The following ZNF618 variants were observed in gnomAD, a reference collection of about 807,000 sequenced individuals.
ZNF618 encodes neural precursor cell expressed, developmentally down-regulated 10.
ZNF618 carries 34 observed loss-of-function variants against 103.0 expected under a neutral mutation model. The observed-to-expected ratio is 0.33, with a 90% CI of 0.25 to 0.44. The LOEUF is 0.44. Among genes scored for constraint, ZNF618 ranks in the 20% least tolerant of loss-of-function variants. The probability of loss-of-function intolerance (pLI) is 1.00; values close to 1 mark genes in which losing one functional copy is unlikely to be tolerated. For synonymous variants in ZNF618, 551 were observed against 542.2 expected, an observed-to-expected ratio of 1.02 and a Z score of -0.23; for missense variants, 1,059 against 1,295.4, an observed-to-expected ratio of 0.82 and a Z score of 2.80.
Position 114,016,837 on chromosome 9 carries a change from G to A in ZNF618, c.844+53G>A, listed in dbSNP as rs752502153. ...GGGTTGGGGGACCCGGGACAGGGTG[G>A]GCCAGCCGTTGGCCAGGCCTCTGGA... On this transcript the variant is annotated intron_variant, in intron 10 of 14. Coordinates refer to ENST00000374126, the MANE Select transcript of ZNF618 (RefSeq NM_001318042.2). The A allele has an allele frequency of 5.4e-6, 8 of 1,470,022 alleles. No homozygotes were observed. In the South Asian group the frequency reaches 8.3e-5, roughly 15 times the overall value. 91.1% of individuals were successfully genotyped at this position (1,470,022 alleles called of 1,614,324 possible). A position where few individuals can be genotyped will look rare whatever the true frequency, so the allele number is the denominator to read the frequency against.
At chr9:113,928,503 G>A (rs1833291835) in intron 1 of ZNF618, among the ~76,000 whole-genome samples, 1 of 152,172 alleles carries the variant, frequency 6.6e-6, no homozygotes, top group African/African-American at 2.4e-5. Context: ...AGCCAGACCT[G>A]ACGTATCTAT....
At chr9:113,982,502 G>C (rs1233610394) in intron 2 of ZNF618, among the ~76,000 whole-genome samples, 1 of 152,130 alleles carries the variant, frequency 6.6e-6, no homozygotes, top group Non-Finnish European at 1.5e-5. Flanking sequence ...GGGCTACTCA[G>C]ATAATCCAAG....
chr9:113,894,007 C>T (rs1165739021), intron 1 of ZNF618, among the ~76,000 whole-genome samples: 1 of 152,094 alleles, frequency 6.6e-6, no homozygotes, highest in Non-Finnish European at 1.5e-5. Context: ...GAGAACTAGA[C>T]TATGTATGCA....
At chr9:114,016,151 G>T in intron 9 of ZNF618, 10 of 1,613,682 alleles carry the variant, frequency 6.2e-6, no homozygotes, top group Non-Finnish European at 8.5e-6. Context: ...GAAGAAAGAA[G>T]TTAGGCAGTG....
At chr9:114,006,371 G>A (rs1841757965) in intron 6 of ZNF618, among the ~76,000 whole-genome samples, 1 of 152,218 alleles carries the variant, frequency 6.6e-6, no homozygotes, top group African/African-American at 2.4e-5. Context: ...GCAGCCTTGA[G>A]CATATCACCA....
chr9:114,021,127 G>A (rs1193054745), intron 10 of ZNF618, among the ~76,000 whole-genome samples: 7 of 151,926 alleles, frequency 4.6e-5, no homozygotes, highest in African/African-American at 1.2e-4. Context: ...ATTAAAACAC[G>A]TTAAGAATAT....
At chr9:114,038,596 AG>A (rs1226305265) in intron 13 of ZNF618, among the ~76,000 whole-genome samples, 1 of 152,256 alleles carries the variant, frequency 6.6e-6, no homozygotes, top group Non-Finnish European at 1.5e-5. Flanking sequence ...TGAATGGCAC[AG>A]GGTAATTCCC....
rs1827928563 is a variant in ZNF618 at position 113,876,396 on chromosome 9, G to A, written c.16G>A (p.Gly6Ser). ...GCACGGACCCATGAACCAGCCGGGC[G>A]GCGCGGCGGCTCCGCAGGTACGACG... MNQPGGAAAPQADGAS... is the reference protein window; with the variant it reads MNQPGSAAAPQADGAS... Residue 6 changes from glycine (G) to serine (S), a missense_variant, in exon 1 of 15, where the codon GGC (glycine) becomes AGC (serine). Gly to Ser is a moderately conservative substitution (Grantham distance 56). Coordinates refer to ENST00000374126, the MANE Select transcript of ZNF618 (RefSeq NM_001318042.2). 3.3e-6 allele frequency: 4 copies of A among 1,199,734 alleles called. No individual in the cohort carries two copies. Among genetic ancestry groups the A allele is most frequent in the African/African-American group, 3.2e-5 (2 of 62,924 alleles). 74.3% of individuals were successfully genotyped at this position (1,199,734 alleles called of 1,614,324 possible).
At chr9:113,998,378 G>T in intron 4 of ZNF618, 24 bp downstream of exon 4, 1 of 1,543,512 alleles carries the variant, frequency 6.5e-7, no homozygotes, top group East Asian at 2.4e-5. Context: ...AAGGGGTAGT[G>T]CCTGATCCGG....
At chr9:113,953,777 C>CTGGGCTGTGCTGGGCTG (rs1491554160) in intron 1 of ZNF618, among the ~76,000 whole-genome samples, 2 of 152,206 alleles carry the variant, frequency 1.3e-5, no homozygotes, top group East Asian at 3.8e-4. Flanking sequence ...TGTAGACACA[C>CTGGGCTGTGCTGGGCTG]TCTCTGTGCT....
intron 8 of ZNF618, 29 bp downstream of exon 8, chr9:114,008,408 C>T (rs770572710): frequency 8.1e-6 from 13 of 1,613,994 alleles, no homozygotes; most frequent in Admixed American, 1.7e-5. Flanking sequence ...CTTGTCACCT[C>T]CCCTGTCCCC....
chr9:113,914,480 G>GT (rs1831880051), intron 1 of ZNF618, among the ~76,000 whole-genome samples: 1 of 152,224 alleles, frequency 6.6e-6, no homozygotes. Context: ...AGTTGCCTCA[G>GT]TGTATGCAAC....
At chr9:114,016,106 C>G in intron 9 of ZNF618, 2 of 1,601,142 alleles carry the variant, frequency 1.2e-6, no homozygotes, top group South Asian at 1.1e-5. Flanking sequence ...TTATAATTTT[C>G]CCCCAGTGAA....
chr9:114,006,338 C>A (rs1841754694), intron 6 of ZNF618, among the ~76,000 whole-genome samples: 1 of 152,212 alleles, frequency 6.6e-6, no homozygotes, highest in South Asian at 2.1e-4. Context: ...AATCCTAGCT[C>A]TCCCTTCCCC....
At position 113,959,056 on chromosome 9, in the gene ZNF618, G is replaced by A. The variant is rs548979697; in HGVS notation, c.34-10061G>A. 6.6e-5 allele frequency among the ~76,000 whole-genome samples: 10 copies of A among 152,262 alleles called. No individual in the cohort carries two copies. In the South Asian group the frequency reaches 1.9e-3, roughly 28 times the overall value. On this transcript the variant is annotated intron_variant, in intron 1 of 14. Coordinates refer to ENST00000374126, the MANE Select transcript of ZNF618 (RefSeq NM_001318042.2). The stretch of plus-strand genomic sequence containing the variant: ...GTAAATCCCAGCACTTTGGGAGGCC[G>A]AGGCAGGCCGATCACCTGAGATCGG...
intron 1 of ZNF618, among the ~76,000 whole-genome samples, chr9:113,934,136 G>A (rs746608054): frequency 2.8e-4 from 43 of 152,128 alleles, no homozygotes; most frequent in Non-Finnish European, 3.5e-4. Flanking sequence ...AAGTAATGGC[G>A]GCAGGAAAGT....
intron 1 of ZNF618, among the ~76,000 whole-genome samples, chr9:113,894,956 ACCT>A: frequency 6.6e-6 from 1 of 152,062 alleles, no homozygotes; most frequent in East Asian, 1.9e-4. Flanking sequence ...CATTGACTAG[ACCT>A]CCTGGAACAA....
intron 4 of ZNF618, among the ~76,000 whole-genome samples, chr9:114,001,474 G>C (rs909847360): frequency 9.2e-5 from 14 of 152,150 alleles, no homozygotes; most frequent in South Asian, 4.1e-4. Flanking sequence ...GCAGACTGAG[G>C]CTTCATGCAT....
chr9:113,963,723 C>T (rs926244517), intron 1 of ZNF618, among the ~76,000 whole-genome samples: 1 of 152,216 alleles, frequency 6.6e-6, no homozygotes, highest in Non-Finnish European at 1.5e-5. Context: ...ACCTCATTGT[C>T]AGTATTTTTT....
Sources: gnomAD v4.1 joint callset for allele counts (sites outside exome capture counted in the v4.1 genomes callset) on GRCh38, gnomAD v4.1.1 for gene constraint, MANE v1.5 for transcripts, NCBI Gene and HGNC (gene_info 2026-07-23, HGNC 2026-07-21) for gene names.